Variants in SHC4 observed in about 807,000 individuals in gnomAD.
SHC4 encodes the protein SHC adaptor protein 4.
Under a neutral mutation model 69.4 loss-of-function variants are expected in SHC4, and 41 were observed. The observed-to-expected ratio is 0.59, with a 90% CI of 0.46 to 0.77. SHC4 has a LOEUF of 0.77. Among genes scored for constraint, SHC4 ranks in the 30% least tolerant of loss-of-function variants. SHC4 has a pLI of 0.00. For missense variants in SHC4, 777 were observed against 783.8 expected (o/e 0.99, Z 0.10); for synonymous variants, 318 against 299.3 (o/e 1.06, Z -0.64).
At chr15:48,942,659 T>C (rs948024205) in intron 1 of SHC4, among the ~76,000 whole-genome samples, 8 of 152,220 alleles carry the variant, frequency 5.3e-5, no homozygotes, top group African/African-American at 1.7e-4. Flanking sequence ...CATTGGTTAT[T>C]ACATTAAGTA....
chr15:48,904,062 G>A (rs1900362545), intron 2 of SHC4, among the ~76,000 whole-genome samples: 1 of 152,124 alleles, frequency 6.6e-6, no homozygotes, highest in Admixed American at 6.5e-5. Context: ...GTATCTTTAT[G>A]AAGACCTTCC....
intron 4 of SHC4, chr15:48,877,593 C>T: frequency 1.0e-6 from 1 of 984,010 alleles, no homozygotes; most frequent in Non-Finnish European, 1.2e-6. Context: ...GGAAAGATAC[C>T]TCCCAGGCGA....
At chr15:48,959,878 T>G (rs1237776485) in intron 1 of SHC4, among the ~76,000 whole-genome samples, 1 of 152,232 alleles carries the variant, frequency 6.6e-6, no homozygotes, top group Non-Finnish European at 1.5e-5. Flanking sequence ...ACAGGAGATT[T>G]GGGCTCTAGA....
At chr15:48,930,085 GACT>G (rs2141027530) in intron 1 of SHC4, among the ~76,000 whole-genome samples, 1 of 152,192 alleles carries the variant, frequency 6.6e-6, no homozygotes, top group South Asian at 2.1e-4. Flanking sequence ...ACAGAATGAT[GACT>G]ACAAGCACGC....
At chr15:48,930,554 T>C (rs4775786) in intron 1 of SHC4, among the ~76,000 whole-genome samples, 26,781 of 152,180 alleles carry the variant, frequency 0.18, 2,745 homozygotes, top group South Asian at 0.29. Flanking sequence ...GGAGGATCAC[T>C]TGAGCCCAGG....
chr15:48,922,748 C>G (rs1427883255), intron 2 of SHC4, among the ~76,000 whole-genome samples: 1 of 152,144 alleles, frequency 6.6e-6, no homozygotes, highest in Non-Finnish European at 1.5e-5. Flanking sequence ...GGTATCAGCC[C>G]TCTTTCTCTC....
At chr15:48,956,296 C>A (rs1567078930) in intron 1 of SHC4, among the ~76,000 whole-genome samples, 1 of 152,140 alleles carries the variant, frequency 6.6e-6, no homozygotes, top group Admixed American at 6.5e-5. Context: ...GGTACCTGAG[C>A]GACCCAGGTC....
chr15:48,932,326 TTCAG>T (rs1208997308), intron 1 of SHC4, among the ~76,000 whole-genome samples: 1 of 152,194 alleles, frequency 6.6e-6, no homozygotes. Context: ...GAAATTCTTC[TTCAG>T]TAAGACTGTG....
At chr15:48,866,411 C>T (rs894026287) in intron 6 of SHC4, among the ~76,000 whole-genome samples, 2 of 152,180 alleles carry the variant, frequency 1.3e-5, no homozygotes, top group African/African-American at 4.8e-5. Context: ...TTTTGGCAAA[C>T]ATTTGCTGAG....
chr15:48,909,255 G>C (rs1900464523), intron 2 of SHC4, among the ~76,000 whole-genome samples: 1 of 148,922 alleles, frequency 6.7e-6, no homozygotes, highest in African/African-American at 2.5e-5. Flanking sequence ...CCTTGTAGAG[G>C]TCTTTTGACT....
intron 6 of SHC4, 113 bp downstream of exon 6, chr15:48,867,705 A>T (rs993208949): frequency 1.2e-6 from 1 of 816,834 alleles, no homozygotes; most frequent in Non-Finnish European, 1.9e-6. Flanking sequence ...TCTAGAATCC[A>T]GTATAGCACC....
rs187385571 is a variant in SHC4, at chr15:48,850,892, C to A, written c.1303+296G>T. Among the ~76,000 whole-genome samples, 475 of 152,278 alleles carry A rather than the reference C, an allele frequency of 3.1e-3. 1 individual carries two copies. Among genetic ancestry groups the A allele is most frequent in the Non-Finnish European group, 3.9e-3 (264 of 68,036 alleles). On this transcript the variant is annotated intron_variant, in intron 9 of 11. Coordinates refer to ENST00000332408, the MANE Select transcript of SHC4 (RefSeq NM_203349.4). ...AAGTGGAACTCCCTTGGGTTTCGAG[C>A]AGAGAAAGCACCTTTCCAGAGAGAG...
intron 1 of SHC4, among the ~76,000 whole-genome samples, chr15:48,949,669 C>T (rs1168252924): frequency 6.6e-6 from 1 of 151,760 alleles, no homozygotes; most frequent in Non-Finnish European, 1.5e-5. Flanking sequence ...CATTCTTTTC[C>T]AGCAGCTTTT....
chr15:48,917,122 A>G (rs1595756683), intron 2 of SHC4, among the ~76,000 whole-genome samples: 1 of 151,998 alleles, frequency 6.6e-6, no homozygotes, highest in South Asian at 2.1e-4. Context: ...GCAGGTTCCC[A>G]CCTAGACACA....
intron 1 of SHC4, among the ~76,000 whole-genome samples, chr15:48,935,016 CT>C (rs1286828111): frequency 6.6e-6 from 1 of 152,110 alleles, no homozygotes; most frequent in African/African-American, 2.4e-5. Context: ...TTGCACAACT[CT>C]GTGAATATAT....
intron 1 of SHC4, among the ~76,000 whole-genome samples, chr15:48,947,643 G>C (rs1901299675): frequency 6.6e-6 from 1 of 152,100 alleles, no homozygotes; most frequent in South Asian, 2.1e-4. Context: ...GGGTAAATAA[G>C]AGCTAAAATA....
chr15:48,911,925 C>T (rs532181818), intron 2 of SHC4, among the ~76,000 whole-genome samples: 29 of 152,240 alleles, frequency 1.9e-4, no homozygotes, highest in Admixed American at 7.2e-4. Context: ...AGATAGGGCC[C>T]CAATCCCTTC....
intron 7 of SHC4, among the ~76,000 whole-genome samples, chr15:48,857,299 T>TG (rs1899339344): frequency 1.3e-5 from 2 of 151,872 alleles, no homozygotes; most frequent in South Asian, 4.1e-4. Flanking sequence ...TCTTTGTTCT[T>TG]GCTGTGTTTT....
At chr15:48,950,688 C>CTA (rs1901351918) in intron 1 of SHC4, among the ~76,000 whole-genome samples, 1 of 152,082 alleles carries the variant, frequency 6.6e-6, no homozygotes, top group East Asian at 1.9e-4. Flanking sequence ...GAGGAGGCTG[C>CTA]GTGCAGCAAG....
Sources: allele counts gnomAD v4.1 joint callset (sites outside exome capture counted in the v4.1 genomes callset), GRCh38; gene constraint gnomAD v4.1.1; transcripts MANE v1.5; gene names NCBI Gene and HGNC (gene_info 2026-07-23, HGNC 2026-07-21).